CDS1: variants seen among roughly 807,000 people sequenced by gnomAD.
CDS1 encodes CDP-diacylglycerol synthase 1, also known as phosphatidate cytidylyltransferase 1.
In CDS1, 41 loss-of-function variants were observed where a neutral mutation model predicts 62.1. The ratio of observed to expected loss-of-function variants is 0.66; its 90% confidence interval spans 0.51 to 0.86. CDS1 has a LOEUF of 0.86. CDS1 is among the 40% of genes least tolerant of loss of function. CDS1 has a pLI of 0.00. For missense variants in CDS1, 470 were observed against 550.1 expected, an observed-to-expected ratio of 0.85 and a Z score of 1.46; for synonymous variants, 185 against 192.6, an observed-to-expected ratio of 0.96 and a Z score of 0.32.
chr4:84,631,377 TA>T (rs1724015190), intron 5 of CDS1, among the ~76,000 whole-genome samples: 1 of 152,206 alleles, frequency 6.6e-6, no homozygotes, highest in South Asian at 2.1e-4. Context: ...AATGCTTAGA[TA>T]AGAGCCTAGA....
At position 84,583,325 on chromosome 4, in the gene CDS1, C is replaced by A; in HGVS notation, c.-77C>A. 9.1e-7 allele frequency: 1 copy of A among 1,096,246 alleles called. No homozygotes were observed. The highest frequency in any genetic ancestry group is 1.3e-6 in the Non-Finnish European group (1 of 749,872). The allele number at this position is 1,096,246 out of a possible 1,614,324, so 67.9% of individuals were successfully genotyped here. ...GCGCGGCTGCGAGGTGGCGGGGCGC[C>A]CCGCCTGCAGAACCCTGCTTGCAGC... On this transcript the variant is annotated 5_prime_UTR_variant, in exon 1 of 13. Coordinates refer to ENST00000295887, the MANE Select transcript of CDS1 (RefSeq NM_001263.4).
At chr4:84,611,952 T>C (rs1723337821) in intron 3 of CDS1, among the ~76,000 whole-genome samples, 1 of 151,934 alleles carries the variant, frequency 6.6e-6, no homozygotes, top group Non-Finnish European at 1.5e-5. Flanking sequence ...TGCAGAGCAC[T>C]TTTCAATGCT....
At chr4:84,626,371 C>T (rs943867642) in intron 5 of CDS1, among the ~76,000 whole-genome samples, 2 of 152,194 alleles carry the variant, frequency 1.3e-5, no homozygotes, top group Non-Finnish European at 2.9e-5. Context: ...ACACTTTGCT[C>T]AGTTATCACC....
chr4:84,601,172 C>CAAAAAA (rs59688950), intron 1 of CDS1, among the ~76,000 whole-genome samples: 2 of 88,254 alleles, frequency 2.3e-5, no homozygotes, highest in Middle Eastern at 8.1e-3. Context: ...GACCCTGTCT[C>CAAAAAA]AAAAAAAAAA....
At chr4:84,600,570 T>C (rs1178346154) in intron 1 of CDS1, among the ~76,000 whole-genome samples, 1 of 152,206 alleles carries the variant, frequency 6.6e-6, no homozygotes. Flanking sequence ...TAGAATTACC[T>C]TTGCAACTTT....
At chr4:84,589,490 A>G (rs17367226) in intron 1 of CDS1, among the ~76,000 whole-genome samples, 28,697 of 152,206 alleles carry the variant, frequency 0.19, 3,145 homozygotes, top group South Asian at 0.37. Context: ...ATAAAATACT[A>G]ATGTTTAGAT....
intron 3 of CDS1, among the ~76,000 whole-genome samples, chr4:84,615,710 A>G (rs542866098): frequency 5.9e-5 from 9 of 152,198 alleles, no homozygotes; most frequent in East Asian, 1.9e-4. Flanking sequence ...TGTTATTTCT[A>G]TAAGTCCTCA....
chr4:84,635,696 T>TTCCTTCCTTCCTTCCC (rs1560481739), intron 8 of CDS1, among the ~76,000 whole-genome samples: 1 of 58,408 alleles, frequency 1.7e-5, no homozygotes, highest in Non-Finnish European at 3.3e-5. Context: ...CCTTCCCTCC[T>TTCCTTCCTTCCTTCCC]TCCCTCCCTC....
intron 10 of CDS1, among the ~76,000 whole-genome samples, chr4:84,641,219 A>G (rs1000690142): frequency 1.3e-5 from 2 of 152,106 alleles, no homozygotes; most frequent in Admixed American, 1.3e-4. Context: ...GGCGCTCGCC[A>G]CCACATCTCG....
chr4:84,635,625 GCCTTCCTTCCTTCCTTCCTTCCTT>G (rs869210567), intron 8 of CDS1, among the ~76,000 whole-genome samples: 7 of 53,532 alleles, frequency 1.3e-4, no homozygotes, highest in African/African-American at 2.4e-4. Context: ...CTGCCTGCCT[GCCTTCCTTCCTTCCTTCCTTCCTT>G]CCTTCCTTCC....
rs146134686 is a variant in CDS1, at chr4:84,619,153, C to T, written c.441-241C>T. Reference sequence around the variant, plus strand: ...ATTTTCTACATTGTTTCCTAATTATCTCTGGCATTAGATTTTCAGCTAAAT... The same window carrying T: ...ATTTTCTACATTGTTTCCTAATTATTTCTGGCATTAGATTTTCAGCTAAAT... On this transcript the variant is annotated intron_variant, in intron 4 of 12. Transcript: ENST00000295887. 1.9e-4 allele frequency among the ~76,000 whole-genome samples: 29 copies of T among 152,024 alleles called. No individual in the cohort carries two copies. In the East Asian group the frequency reaches 5.0e-3, roughly 26 times the overall value.
intron 1 of CDS1, 65 bp downstream of exon 1, chr4:84,583,583 T>G (rs994890310): frequency 3.0e-6 from 3 of 993,932 alleles, no homozygotes; most frequent in Non-Finnish European, 4.4e-6. Flanking sequence ...GCGGGACACT[T>G]GAGAGCAAGG....
intron 1 of CDS1, among the ~76,000 whole-genome samples, chr4:84,592,154 ATTT>A (rs72236126): frequency 3.5e-5 from 3 of 86,060 alleles, no homozygotes; most frequent in South Asian, 5.2e-4. Flanking sequence ...TTAATGACCA[ATTT>A]TTTTTTTTTT....
chr4:84,594,418 A>T (rs764416532), intron 1 of CDS1, among the ~76,000 whole-genome samples: 19 of 152,232 alleles, frequency 1.2e-4, no homozygotes, highest in Non-Finnish European at 2.2e-4. Context: ...CCTTATACAA[A>T]TACTTTACTA....
intron 1 of CDS1, among the ~76,000 whole-genome samples, chr4:84,598,984 A>G (rs1220949838): frequency 1.3e-5 from 2 of 152,198 alleles, no homozygotes; most frequent in Non-Finnish European, 2.9e-5. Context: ...AAGAGTCCCC[A>G]TGAACTATAA....
intron 1 of CDS1, among the ~76,000 whole-genome samples, chr4:84,596,910 T>C (rs1238520659): frequency 6.6e-6 from 1 of 151,838 alleles, no homozygotes; most frequent in East Asian, 1.9e-4. Flanking sequence ...CTTCACACTG[T>C]GGGGAGCGCA....
intron 6 of CDS1, 30 bp from the exon 7 acceptor site, chr4:84,633,827 C>G: frequency 7.4e-6 from 11 of 1,495,740 alleles, no homozygotes; most frequent in Non-Finnish European, 9.2e-6. Flanking sequence ...GTTGTGTTCA[C>G]TAATTTTTGT....
intron 1 of CDS1, among the ~76,000 whole-genome samples, chr4:84,588,686 G>A (rs1722491238): frequency 6.6e-6 from 1 of 152,138 alleles, no homozygotes; most frequent in African/African-American, 2.4e-5. Context: ...GGCCACAGGA[G>A]TTGCTGGTTT....
intron 1 of CDS1, among the ~76,000 whole-genome samples, chr4:84,588,313 T>C (rs886171244): frequency 6.6e-6 from 1 of 152,228 alleles, no homozygotes; most frequent in African/African-American, 2.4e-5. Context: ...CCATTTGAGA[T>C]GTGTGCAGCT....
Sources: gnomAD v4.1 joint callset for allele counts (sites outside exome capture counted in the v4.1 genomes callset) on GRCh38, gnomAD v4.1.1 for gene constraint, MANE v1.5 for transcripts, NCBI Gene and HGNC (gene_info 2026-07-23, HGNC 2026-07-21) for gene names.